PCCB: variants seen among roughly 807,000 people sequenced by gnomAD.
PCCB encodes the protein propionyl-CoA carboxylase beta chain, mitochondrial.
In PCCB, 43 loss-of-function variants were observed where a neutral mutation model predicts 60.7. The observed-to-expected ratio is 0.71, with a 90% CI of 0.55 to 0.91. The LOEUF (loss-of-function observed/expected upper bound fraction) is 0.91, where lower values mean the gene tolerates loss of function less well. Ranked by LOEUF, PCCB falls within the 40% of genes least tolerant of loss-of-function variation. PCCB has a pLI of 0.00. For synonymous variants in PCCB, 276 were observed against 255.9 expected, an observed-to-expected ratio of 1.08 and a Z score of -0.75; for missense variants, 766 against 702.8, an observed-to-expected ratio of 1.09 and a Z score of -1.02.
At chr3:136,323,298 C>G (rs907500130) in intron 10 of PCCB, among the ~76,000 whole-genome samples, 3 of 152,072 alleles carry the variant, frequency 2.0e-5, no homozygotes, top group Non-Finnish European at 4.4e-5. Flanking sequence ...TTATTTTCTC[C>G]TCAGAGTAAT....
intron 8 of PCCB, among the ~76,000 whole-genome samples, chr3:136,299,275 T>C (rs550551851): frequency 4.1e-4 from 63 of 152,158 alleles, no homozygotes; most frequent in African/African-American, 1.4e-3. Context: ...CATATGTTCA[T>C]GTGTGCATAT....
intron 5 of PCCB, among the ~76,000 whole-genome samples, chr3:136,266,506 C>T (rs1467360355): frequency 2.0e-5 from 3 of 152,054 alleles, no homozygotes; most frequent in African/African-American, 2.4e-5. Context: ...ACTGCAGCCT[C>T]GACCTCCTGG....
At chr3:136,304,458 T>C (rs1299115161) in intron 9 of PCCB, among the ~76,000 whole-genome samples, 1 of 118,300 alleles carries the variant, frequency 8.5e-6, no homozygotes, top group Non-Finnish European at 1.9e-5. Flanking sequence ...CTCGGCTCAC[T>C]GCAAGCTCTG....
chr3:136,301,174 C>A, intron 9 of PCCB, 63 bp downstream of exon 9: 1 of 1,351,642 alleles, frequency 7.4e-7, no homozygotes, highest in Non-Finnish European at 1.1e-6. Flanking sequence ...CATTGTGCTT[C>A]GGCTTAGTGA....
chr3:136,319,416 G>A (rs1015378690), intron 10 of PCCB, among the ~76,000 whole-genome samples: 13 of 144,104 alleles, frequency 9.0e-5, no homozygotes, highest in East Asian at 4.0e-4. Flanking sequence ...ATGGAGTCTC[G>A]CGCTCTCTTG....
At chr3:136,265,234 A>G (rs908468365) in intron 5 of PCCB, among the ~76,000 whole-genome samples, 1 of 152,212 alleles carries the variant, frequency 6.6e-6, no homozygotes, top group African/African-American at 2.4e-5. Flanking sequence ...TTTACAAACC[A>G]TAAAATCCAC....
At chr3:136,323,413 C>G (rs1935178220) in intron 10 of PCCB, among the ~76,000 whole-genome samples, 1 of 152,104 alleles carries the variant, frequency 6.6e-6, no homozygotes, top group Non-Finnish European at 1.5e-5. Context: ...TACTTTTCAG[C>G]TCCAGAATTT....
At chr3:136,284,803 A>G (rs1049211661) in intron 6 of PCCB, among the ~76,000 whole-genome samples, 1 of 152,164 alleles carries the variant, frequency 6.6e-6, no homozygotes, top group Non-Finnish European at 1.5e-5. Flanking sequence ...CAAATTTAAG[A>G]TGGGCCATAC....
chr3:136,328,916 C>G (rs1312293800), intron 14 of PCCB, 59 bp downstream of exon 14: 2 of 1,349,516 alleles, frequency 1.5e-6, no homozygotes, highest in Non-Finnish European at 2.1e-6. Flanking sequence ...CTCATTCTTT[C>G]TCTACAGAAA....
intron 6 of PCCB, among the ~76,000 whole-genome samples, chr3:136,290,273 T>C (rs1461466073): frequency 6.6e-6 from 1 of 152,206 alleles, no homozygotes; most frequent in East Asian, 1.9e-4. Context: ...CCTTCACTTT[T>C]GAAGAATAAT....
At chr3:136,301,912 T>A (rs1339778923) in intron 9 of PCCB, among the ~76,000 whole-genome samples, 1 of 152,210 alleles carries the variant, frequency 6.6e-6, no homozygotes, top group Non-Finnish European at 1.5e-5. Flanking sequence ...CATATGCAGT[T>A]GTTTTTGAGT....
chr3:136,262,681 A>G (rs1257345761), intron 5 of PCCB, among the ~76,000 whole-genome samples: 1 of 152,238 alleles, frequency 6.6e-6, no homozygotes, highest in Non-Finnish European at 1.5e-5. Flanking sequence ...GGAGAGAGAT[A>G]CTGCAGACAG....
intron 5 of PCCB, among the ~76,000 whole-genome samples, chr3:136,279,965 C>T (rs750717577): frequency 2.8e-4 from 42 of 152,202 alleles, no homozygotes; most frequent in Non-Finnish European, 5.0e-4. Flanking sequence ...CGCGCCCGGC[C>T]TTTTTATTTA....
chr3:136,250,505 C>T lies in PCCB; in HGVS notation c.130C>T (p.Arg44Trp), dbSNP rs749210374. 6.2e-7 allele frequency: 1 copy of T among 1,612,888 alleles called. No individual in the cohort carries two copies. Among genetic ancestry groups the T allele is most frequent in the Non-Finnish European group, 8.5e-7 (1 of 1,179,704 alleles). ...TAACGAACGCATCGAAAACAAGCGC[C>T]GGACCGCGCTGCTGGGAGGGGGCCA... ...SVNERIENKR[R>W]TALLGGGQRR... Residue 44 changes from arginine (R) to tryptophan (W), a missense_variant, in exon 1 of 15, where the codon CGG (arginine) becomes TGG (tryptophan). Physicochemically the swap from Arg to Trp is moderately radical, Grantham distance 101. Coordinates refer to ENST00000251654, the MANE Select transcript of PCCB (RefSeq NM_000532.5).
At chr3:136,300,891 G>A in intron 8 of PCCB, 139 bp from the exon 9 acceptor site, 1 of 713,482 alleles carries the variant, frequency 1.4e-6, no homozygotes, top group Non-Finnish European at 2.6e-6. Flanking sequence ...ACTCTTTGGT[G>A]ACTGCTTTGT....
chr3:136,276,329 C>G (rs941740567), intron 5 of PCCB, among the ~76,000 whole-genome samples: 1 of 152,142 alleles, frequency 6.6e-6, no homozygotes, highest in Non-Finnish European at 1.5e-5. Context: ...AGGTTCCACC[C>G]TTGATGAAAG....
chr3:136,308,911 A>G (rs1041663237), intron 9 of PCCB, among the ~76,000 whole-genome samples: 3 of 152,204 alleles, frequency 2.0e-5, no homozygotes, highest in African/African-American at 7.2e-5. Context: ...CCTATAGAAT[A>G]TGTTTAAAAC....
intron 6 of PCCB, among the ~76,000 whole-genome samples, chr3:136,289,003 T>C (rs901048640): frequency 6.6e-6 from 1 of 152,050 alleles, no homozygotes; most frequent in Non-Finnish European, 1.5e-5. Context: ...GGTTTCACCA[T>C]GTTGGCCAGG....
chr3:136,313,061 A>T (rs1201680099), intron 9 of PCCB, among the ~76,000 whole-genome samples: 1 of 152,218 alleles, frequency 6.6e-6, no homozygotes, highest in East Asian at 1.9e-4. Context: ...CATATGTTAG[A>T]TTGGCTAAAA....
Sources: gnomAD v4.1 joint callset for allele counts (sites outside exome capture counted in the v4.1 genomes callset) on GRCh38, gnomAD v4.1.1 for gene constraint, MANE v1.5 for transcripts, NCBI Gene and HGNC (gene_info 2026-07-23, HGNC 2026-07-21) for gene names.